Variants in PTPRN2 observed in about 807,000 individuals in gnomAD.
The protein encoded by PTPRN2 is receptor-type tyrosine-protein phosphatase N2.
In PTPRN2, 74 loss-of-function variants were observed where a neutral mutation model predicts 118.8. The ratio of observed to expected loss-of-function variants is 0.62; its 90% CI spans 0.52 to 0.76. The LOEUF is 0.76. PTPRN2 is among the 30% of genes least tolerant of loss of function. The pLI is 0.00. For missense variants in PTPRN2, 1,481 were observed against 1,394.4 expected (o/e 1.06, Z -0.99); for synonymous variants, 641 against 608.0 (o/e 1.05, Z -0.80).
intron 2 of PTPRN2, among the ~76,000 whole-genome samples, chr7:158,377,543 T>G (rs1810638051): frequency 6.6e-6 from 1 of 151,890 alleles, no homozygotes. Context: ...TGCAGAGTGC[T>G]AGGGAGGAGG....
Position 157,559,868 on chromosome 7 carries a change from C to A in PTPRN2, c.2902+9034G>T, listed in dbSNP as rs180707149. On this transcript the variant is annotated intron_variant, in intron 21 of 22. Transcript: ENST00000389418. ...TCTCTCCTGTGTTCTCTCCCACATT[C>A]TCAGGGGCCGCCTGCTGCCAGCTCC... Among the ~76,000 whole-genome samples, 389 of 152,280 alleles carry A rather than the reference C, an allele frequency of 2.6e-3. 1 individual carries two copies. Among genetic ancestry groups the A allele is most frequent in the African/African-American group, 8.7e-3 (361 of 41,556 alleles).
chr7:157,915,736 A>G (rs1798359884), intron 11 of PTPRN2, among the ~76,000 whole-genome samples: 1 of 152,180 alleles, frequency 6.6e-6, no homozygotes, highest in Non-Finnish European at 1.5e-5. Flanking sequence ...AACATCAGTC[A>G]TCCACTGATG....
At chr7:158,528,405 A>G (rs1824953126) in intron 1 of PTPRN2, among the ~76,000 whole-genome samples, 1 of 152,126 alleles carries the variant, frequency 6.6e-6, no homozygotes. Flanking sequence ...TGTGAAATGC[A>G]CATTTACAAA....
intron 12 of PTPRN2, among the ~76,000 whole-genome samples, chr7:157,746,626 A>G (rs1800960875): frequency 6.6e-6 from 1 of 150,926 alleles, no homozygotes; most frequent in South Asian, 2.1e-4. Flanking sequence ...CGGTGCCAAC[A>G]GCATAGAGAT....
Position 158,133,751 on chromosome 7 carries a change from G to A in PTPRN2, c.1482C>T (p.Ala494=), listed in dbSNP as rs1471033236. 7.4e-6 allele frequency: 12 copies of A among 1,613,212 alleles called. No homozygotes were observed. Among genetic ancestry groups the A allele is most frequent in the African/African-American group, 2.7e-5 (2 of 74,922 alleles). ...CCTCCAATTGCAGGCCGTCGCTGAG[G>A]GCCTCCTGAGCACCCGCTGGAAGGC... ...EQSLPAGAQE[A]LSDGLQLEVQ... is the part of the protein sequence containing the mutation. The change falls in exon 9 of 23, where the codon GCC becomes GCT. Residue 494 remains alanine, a synonymous_variant. Coordinates refer to ENST00000389418, the MANE Select transcript of PTPRN2 (RefSeq NM_002847.5).
At chr7:158,054,808 C>T (rs2128900514) in intron 11 of PTPRN2, among the ~76,000 whole-genome samples, 1 of 152,360 alleles carries the variant, frequency 6.6e-6, no homozygotes. Flanking sequence ...GGGGCGCGGG[C>T]ACCATTAATT....
intron 4 of PTPRN2, among the ~76,000 whole-genome samples, chr7:158,201,809 T>G (rs981694364): frequency 6.6e-6 from 1 of 152,192 alleles, no homozygotes; most frequent in Admixed American, 6.5e-5. Flanking sequence ...TGGAAGCCCC[T>G]GCTTTGAGTT....
intron 4 of PTPRN2, among the ~76,000 whole-genome samples, chr7:158,193,687 G>A (rs543990403): frequency 4.2e-4 from 64 of 152,170 alleles, no homozygotes; most frequent in Non-Finnish European, 7.9e-4. Context: ...CAGCTCACCC[G>A]CAGACTCTGC....
At chr7:157,947,545 C>A (rs1353807551) in intron 11 of PTPRN2, among the ~76,000 whole-genome samples, 2 of 152,124 alleles carry the variant, frequency 1.3e-5, no homozygotes, top group East Asian at 3.9e-4. Flanking sequence ...GTGTTTTGAG[C>A]TGTCTGGTGG....
intron 5 of PTPRN2, among the ~76,000 whole-genome samples, chr7:158,184,097 C>T (rs923672759): frequency 9.9e-5 from 15 of 151,856 alleles, no homozygotes; most frequent in African/African-American, 1.5e-4. Context: ...GTGTGTCTTT[C>T]GAAGAAGTGT....
intron 3 of PTPRN2, among the ~76,000 whole-genome samples, chr7:158,296,966 G>A (rs1800548214): frequency 6.6e-6 from 1 of 152,230 alleles, no homozygotes. Flanking sequence ...TGGTGGAGCA[G>A]TTGGGGTGGT....
intron 11 of PTPRN2, among the ~76,000 whole-genome samples, chr7:157,927,240 G>C (rs1799058525): frequency 1.3e-5 from 1 of 77,814 alleles, no homozygotes; most frequent in Non-Finnish European, 2.5e-5. Flanking sequence ...TGAGAGCAGA[G>C]GCCTCGCGTC....
intron 10 of PTPRN2, among the ~76,000 whole-genome samples, chr7:158,097,954 A>C (rs1814777171): frequency 6.6e-6 from 1 of 152,002 alleles, no homozygotes; most frequent in African/African-American, 2.4e-5. Context: ...ACATGCTCTG[A>C]CAGGCAGCAC....
chr7:158,417,685 T>C (rs112481737), intron 2 of PTPRN2, among the ~76,000 whole-genome samples: 17 of 140,360 alleles, frequency 1.2e-4, no homozygotes, highest in Admixed American at 2.9e-4. Context: ...TAAGTCACGG[T>C]GTACTACATC....
At chr7:158,480,357 T>C (rs1384324971) in intron 2 of PTPRN2, among the ~76,000 whole-genome samples, 3 of 152,182 alleles carry the variant, frequency 2.0e-5, no homozygotes, top group African/African-American at 7.2e-5. Context: ...TGATCAATGC[T>C]GTGTGTGTTC....
Position 158,299,459 on chromosome 7 carries a change from G to A in PTPRN2, c.277+17360C>T, listed in dbSNP as rs375034754. ...ACTACAGGTGCATGCCACCACATCC[G>A]GCTAATTTTTGTATTTTTAGTAGAG... On this transcript the variant is annotated intron_variant, in intron 3 of 22. Transcript: ENST00000389418. Among the ~76,000 whole-genome samples the A allele has an allele frequency of 7.2e-5, 11 of 152,032 alleles. 1 individual carries two copies. The South Asian group carries it at 1.7e-3, about 23-fold the overall frequency.
At chr7:157,567,667 A>G (rs1168127978) in intron 21 of PTPRN2, among the ~76,000 whole-genome samples, 2 of 152,126 alleles carry the variant, frequency 1.3e-5, no homozygotes, top group Non-Finnish European at 2.9e-5. Flanking sequence ...GTGATGGAGA[A>G]TGGGATGTTA....
intron 14 of PTPRN2, among the ~76,000 whole-genome samples, chr7:157,630,864 G>T (rs557636889): frequency 6.6e-6 from 1 of 152,190 alleles, no homozygotes; most frequent in Non-Finnish European, 1.5e-5. Flanking sequence ...CTGACAACTT[G>T]TTTGTAAGGA....
At position 158,150,928 on chromosome 7, in the gene PTPRN2, G is replaced by A. The variant is rs576075258; in HGVS notation, c.911-12413C>T. Among the ~76,000 whole-genome samples, 155 of 151,978 alleles carry A rather than the reference G, an allele frequency of 1.0e-3. 2 individuals carry two copies. The highest frequency in any genetic ancestry group is 3.7e-3 in the African/African-American group (153 of 41,444). On this transcript the variant is annotated intron_variant, in intron 6 of 22. Transcript: ENST00000389418. The stretch of plus-strand genomic sequence containing the variant: ...CAGCAAATGGGCCCCACACAACACC[G>A]AGAAGCTGGGAAATATTATTCTGTG...
Sources: allele counts gnomAD v4.1 joint callset (sites outside exome capture counted in the v4.1 genomes callset), GRCh38; gene constraint gnomAD v4.1.1; transcripts MANE v1.5; gene names NCBI Gene and HGNC (gene_info 2026-07-23, HGNC 2026-07-21).